The following MMS22L variants were observed in gnomAD, a reference collection of about 807,000 sequenced individuals.
MMS22L encodes MMS22 like, DNA repair protein.
A neutral mutation model predicts 159.1 loss-of-function variants in MMS22L; 74 were observed. The ratio of observed to expected loss-of-function variants is 0.47; its 90% CI spans 0.39 to 0.56. The LOEUF (loss-of-function observed/expected upper bound fraction) is 0.56. MMS22L is among the 20% of genes least tolerant of loss of function. The pLI, the probability that MMS22L is intolerant of heterozygous loss-of-function variation, is 0.00. For synonymous variants in MMS22L, 517 were observed against 506.9 expected, an observed-to-expected ratio of 1.02 and a Z score of -0.27; for missense variants, 1,351 against 1,422.1, an observed-to-expected ratio of 0.95 and a Z score of 0.80.
chr6:97,167,428 T>G (rs531625819), intron 20 of MMS22L, among the ~76,000 whole-genome samples: 1 of 152,256 alleles, frequency 6.6e-6, no homozygotes, highest in African/African-American at 2.4e-5. Context: ...TGTGGATTAT[T>G]ACAAGGAACT....
chr6:97,232,389 G>A (rs1810965695), intron 12 of MMS22L, among the ~76,000 whole-genome samples: 1 of 152,082 alleles, frequency 6.6e-6, no homozygotes, highest in Admixed American at 6.5e-5. Flanking sequence ...TAACTCATCA[G>A]AAATCTGATT....
chr6:97,193,491 ATAAAATTACT>A (rs1185107774), intron 14 of MMS22L, among the ~76,000 whole-genome samples: 1 of 152,208 alleles, frequency 6.6e-6, no homozygotes, highest in Admixed American at 6.5e-5. Context: ...GATTATGAGT[ATAAAATTACT>A]TAAGTTTTTC....
intron 10 of MMS22L, among the ~76,000 whole-genome samples, chr6:97,250,806 C>T (rs1260243782): frequency 1.3e-5 from 2 of 152,126 alleles, no homozygotes; most frequent in Non-Finnish European, 2.9e-5. Context: ...AACATCGCCA[C>T]ACTGCCACAA....
intron 14 of MMS22L, among the ~76,000 whole-genome samples, chr6:97,192,233 A>G (rs1805960587): frequency 1.3e-5 from 2 of 150,782 alleles, no homozygotes; most frequent in African/African-American, 4.9e-5. Flanking sequence ...TGAATATGTG[A>G]AATCAAAGCA....
chr6:97,254,780 C>T (rs1336212265), intron 9 of MMS22L, 47 bp from the exon 10 acceptor site: 1 of 1,444,804 alleles, frequency 6.9e-7, no homozygotes, highest in Non-Finnish European at 9.2e-7. Flanking sequence ...GTTTCAATAA[C>T]CTTTGATTTC....
At chr6:97,172,912 A>T in intron 19 of MMS22L, 151 bp downstream of exon 19, 1 of 650,656 alleles carries the variant, frequency 1.5e-6, no homozygotes, top group Non-Finnish European at 2.4e-6. Context: ...GAAGGCCAAC[A>T]TGAATTATTT....
Position 97,191,454 on chromosome 6 carries a change from GAAAATT to G in MMS22L, c.2040-4770_2040-4765del, listed in dbSNP as rs1417785136. 2.8e-4 allele frequency among the ~76,000 whole-genome samples: 42 copies of G among 150,062 alleles called. No individual in the cohort carries two copies. The East Asian group carries it at 7.0e-3, about 25-fold the overall frequency. ...AATACATGATGCCTCAAAGTTTAAG[GAAAATT>G]AAAATTGTCTATTGATGGACTTTTC... On this transcript the variant is annotated intron_variant, in intron 14 of 24. Coordinates refer to ENST00000683635, the MANE Select transcript of MMS22L (RefSeq NM_001350599.2).
chr6:97,232,961 CTAAATA>C (rs1811022813), intron 12 of MMS22L, among the ~76,000 whole-genome samples: 2 of 151,918 alleles, frequency 1.3e-5, no homozygotes, highest in South Asian at 4.1e-4. Context: ...CCTCTCCTTT[CTAAATA>C]TATTGTTCCT....
intron 23 of MMS22L, 33 bp from the exon 24 acceptor site, chr6:97,150,053 C>A: frequency 1.3e-6 from 2 of 1,584,500 alleles, no homozygotes; most frequent in South Asian, 2.3e-5. Context: ...TAGGATTACT[C>A]CTGGGGCAAT....
At chr6:97,167,718 C>T (rs1803109089) in intron 20 of MMS22L, among the ~76,000 whole-genome samples, 1 of 152,002 alleles carries the variant, frequency 6.6e-6, no homozygotes, top group East Asian at 1.9e-4. Context: ...ATGAAAAGCC[C>T]TCCAACTCCT....
At chr6:97,181,245 A>C (rs1491001874) in intron 16 of MMS22L, among the ~76,000 whole-genome samples, 1 of 152,204 alleles carries the variant, frequency 6.6e-6, no homozygotes, top group South Asian at 2.1e-4. Flanking sequence ...AAGAGGACTA[A>C]GACCTCTTAG....
intron 21 of MMS22L, 26 bp from the exon 22 acceptor site, chr6:97,162,191 T>C: frequency 6.3e-7 from 1 of 1,577,634 alleles, no homozygotes; most frequent in Non-Finnish European, 8.6e-7. Flanking sequence ...ATTTGTTTAT[T>C]CTCTGCTTAA....
chr6:97,279,643 C>T (rs946691693), intron 3 of MMS22L, among the ~76,000 whole-genome samples: 13 of 151,660 alleles, frequency 8.6e-5, no homozygotes, highest in African/African-American at 1.2e-4. Context: ...AAAAATTAGC[C>T]GGGCGTGGTG....
At chr6:97,239,084 T>C (rs1401789190) in intron 11 of MMS22L, among the ~76,000 whole-genome samples, 1 of 151,324 alleles carries the variant, frequency 6.6e-6, no homozygotes, top group Non-Finnish European at 1.5e-5. Flanking sequence ...GAAGTTTGCC[T>C]AATTGGATTT....
intron 4 of MMS22L, among the ~76,000 whole-genome samples, chr6:97,276,556 T>A (rs1383113516): frequency 6.6e-6 from 1 of 152,222 alleles, no homozygotes; most frequent in East Asian, 1.9e-4. Context: ...TCTGCTTTTA[T>A]CCCTTCCAAA....
chr6:97,254,517 A>G (rs1402375348), intron 10 of MMS22L, 40 bp downstream of exon 10: 1 of 1,517,706 alleles, frequency 6.6e-7, no homozygotes, highest in African/African-American at 1.4e-5. Flanking sequence ...TTACATATTA[A>G]TTGACAATAT....
intron 14 of MMS22L, among the ~76,000 whole-genome samples, chr6:97,208,747 C>T (rs543147474): frequency 3.8e-4 from 57 of 151,978 alleles, no homozygotes; most frequent in South Asian, 2.5e-3. Flanking sequence ...CTCATCACAC[C>T]CCTCTACTTA....
chr6:97,276,886 C>T (rs1314021532), intron 4 of MMS22L, among the ~76,000 whole-genome samples: 4 of 152,208 alleles, frequency 2.6e-5, no homozygotes, highest in African/African-American at 9.6e-5. Context: ...GCATGTCTAG[C>T]TGTCTACACA....
chr6:97,153,877 G>A (rs1474324095), intron 22 of MMS22L, among the ~76,000 whole-genome samples: 1 of 152,048 alleles, frequency 6.6e-6, no homozygotes, highest in African/African-American at 2.4e-5. Context: ...CAAACGATGA[G>A]TATTCTACTT....
Sources: gnomAD v4.1 joint callset for allele counts (sites outside exome capture counted in the v4.1 genomes callset) on GRCh38, gnomAD v4.1.1 for gene constraint, MANE v1.5 for transcripts, NCBI Gene and HGNC (gene_info 2026-07-23, HGNC 2026-07-21) for gene names.